The following SNX14 variants were observed in gnomAD, a reference collection of about 807,000 sequenced individuals.
SNX14 encodes the protein sorting nexin-14.
SNX14 carries 93 observed loss-of-function variants against 133.8 expected under a neutral mutation model. That is an observed-to-expected ratio of 0.70 (90% CI 0.59 to 0.83). The LOEUF (loss-of-function observed/expected upper bound fraction) is 0.83, where lower values mean the gene tolerates loss of function less well. Among genes scored for constraint, SNX14 ranks in the 40% least tolerant of loss-of-function variants. The pLI, the probability that SNX14 is intolerant of heterozygous loss-of-function variation, is 0.00. For missense variants in SNX14, 945 were observed against 1,094.9 expected, an observed-to-expected ratio of 0.86 and a Z score of 1.93; for synonymous variants, 368 against 365.6, an observed-to-expected ratio of 1.01 and a Z score of -0.07.
At chr6:85,563,943 C>T (rs553371305) in intron 6 of SNX14, among the ~76,000 whole-genome samples, 1 of 152,076 alleles carries the variant, frequency 6.6e-6, no homozygotes, top group South Asian at 2.1e-4. Flanking sequence ...CATGACAGGT[C>T]CTGGTGTGTG....
Position 85,526,256 on chromosome 6 carries a change from A to AG in SNX14, c.1996-20_1996-19insC. ...GAAGTTTCTTGAATGAACAAAAAAA[A>AG]CGGAAAACACAGTTTAGAAATCTAG... On this transcript the variant is annotated intron_variant, in intron 20 of 28. Coordinates refer to ENST00000314673, the MANE Select transcript of SNX14 (RefSeq NM_153816.6). 2.0e-6 allele frequency: 3 copies of AG among 1,499,738 alleles called. No individual in the cohort carries two copies. Among genetic ancestry groups the AG allele is most frequent in the Non-Finnish European group, 2.7e-6 (3 of 1,096,768 alleles). The allele number at this position is 1,499,738 out of a possible 1,614,324, so 92.9% of individuals were successfully genotyped here. A position where few individuals can be genotyped will look rare whatever the true frequency, so the allele number is the denominator to read the frequency against.
At chr6:85,589,596 T>C (rs1339872879) in intron 1 of SNX14, 1 of 152,266 alleles carries the variant, frequency 6.6e-6, no homozygotes, top group Non-Finnish European at 1.5e-5. Flanking sequence ...CAAGTTATAT[T>C]ATGTTAATTC....
chr6:85,567,344 G>A (rs1296434988), intron 5 of SNX14, among the ~76,000 whole-genome samples, 190 bp downstream of exon 5: 1 of 149,696 alleles, frequency 6.7e-6, no homozygotes, highest in African/African-American at 2.5e-5. Flanking sequence ...TATCTAATGG[G>A]AGAGGTCAGG....
intron 1 of SNX14, chr6:85,589,387 A>AATTTTTTGT (rs1279763204): frequency 6.5e-6 from 1 of 153,172 alleles, no homozygotes; most frequent in Non-Finnish European, 1.5e-5. Context: ...CATCCAGCTA[A>AATTTTTTGT]ATTTTTTGTA....
At position 85,570,668 on chromosome 6, in the gene SNX14, T is replaced by C. The variant is rs184581406; in HGVS notation, c.417+1469A>G. Among the ~76,000 whole-genome samples, 1,117 of 151,794 alleles carry C rather than the reference T, an allele frequency of 7.4e-3. 9 individuals carry two copies. Among genetic ancestry groups the C allele is most frequent in the Middle Eastern group, 0.014 (4 of 294 alleles). On this transcript the variant is annotated intron_variant, in intron 4 of 28. Coordinates refer to ENST00000314673, the MANE Select transcript of SNX14 (RefSeq NM_153816.6). ...AGGAGTTCGAGACCAGCCTGGCCAA[T>C]ATGGTGAAACCCTGTCTCTACTAAA...
chr6:85,505,666 G>T lies in SNX14; in HGVS notation c.*301C>A, dbSNP rs1007229683. Reference sequence around the variant, plus strand: ...AATTATTTTCAAAGCTATACAATACGAAGTTTATCAGTCTTATCTGTTTGC... The same window carrying T: ...AATTATTTTCAAAGCTATACAATACTAAGTTTATCAGTCTTATCTGTTTGC... On this transcript the variant is annotated 3_prime_UTR_variant, in exon 29 of 29. Transcript: ENST00000314673. 2 of 316,036 alleles carry T rather than the reference G, an allele frequency of 6.3e-6. No homozygotes were observed. Among genetic ancestry groups the T allele is most frequent in the South Asian group, 4.4e-5 (1 of 22,744 alleles). 19.6% of individuals were successfully genotyped at this position (316,036 alleles called of 1,614,324 possible).
chr6:85,508,366 T>C (rs1322746351), intron 26 of SNX14: 3 of 1,042,080 alleles, frequency 2.9e-6, no homozygotes, highest in South Asian at 3.9e-5. Flanking sequence ...ATAATACTTA[T>C]TGTATTACCC....
chr6:85,526,922 A>C (rs943539433), intron 20 of SNX14, among the ~76,000 whole-genome samples: 7 of 152,128 alleles, frequency 4.6e-5, no homozygotes, highest in African/African-American at 9.7e-5. Flanking sequence ...TACAAAAATT[A>C]GCCAGGAGTG....
At chr6:85,516,287 C>CT (rs1418733817) in intron 23 of SNX14, among the ~76,000 whole-genome samples, 3 of 152,058 alleles carry the variant, frequency 2.0e-5, no homozygotes, top group Non-Finnish European at 4.4e-5. Flanking sequence ...TAATAAACAC[C>CT]TTTACATGTT....
At chr6:85,567,510 A>G (rs1371547081) in intron 5 of SNX14, 24 bp downstream of exon 5, 9 of 1,496,554 alleles carry the variant, frequency 6.0e-6, no homozygotes, top group Non-Finnish European at 8.1e-6. Flanking sequence ...TCACAGAAAA[A>G]AAGATCTTAT....
At chr6:85,587,632 A>G (rs1801376224) in intron 1 of SNX14, among the ~76,000 whole-genome samples, 2 of 151,724 alleles carry the variant, frequency 1.3e-5, no homozygotes, top group African/African-American at 4.8e-5. Context: ...ACCATGACCA[A>G]CTACTTGTTT....
At chr6:85,524,785 G>GAAAAAAAAAAAAAAA (rs397885760) in intron 21 of SNX14, among the ~76,000 whole-genome samples, 1 of 88,260 alleles carries the variant, frequency 1.1e-5, no homozygotes, top group African/African-American at 3.8e-5. Context: ...TTCCATCACA[G>GAAAAAAAAAAAAAAA]AAAAAAAAAA....
chr6:85,562,582 CTTTTT>C (rs201175458), intron 6 of SNX14, among the ~76,000 whole-genome samples: 13 of 94,840 alleles, frequency 1.4e-4, no homozygotes, highest in African/African-American at 4.2e-4. Flanking sequence ...ACTTTTTGGG[CTTTTT>C]TTTTTTTTTT....
At chr6:85,522,470 T>C (rs961066198) in intron 21 of SNX14, among the ~76,000 whole-genome samples, 4 of 152,224 alleles carry the variant, frequency 2.6e-5, no homozygotes. Flanking sequence ...AACTTGGGGA[T>C]AAATTTACAT....
intron 1 of SNX14, among the ~76,000 whole-genome samples, chr6:85,590,152 G>A (rs1390046430): frequency 6.6e-6 from 1 of 152,180 alleles, no homozygotes; most frequent in African/African-American, 2.4e-5. Flanking sequence ...AATGATTCTT[G>A]TTGTCCAGGC....
intron 8 of SNX14, among the ~76,000 whole-genome samples, chr6:85,548,874 G>A (rs889022421): frequency 2.6e-5 from 4 of 151,628 alleles, no homozygotes; most frequent in African/African-American, 4.9e-5. Flanking sequence ...GGCTGATGCA[G>A]GAGAATCGCT....
At chr6:85,556,772 T>C (rs1789952282) in intron 7 of SNX14, among the ~76,000 whole-genome samples, 1 of 152,128 alleles carries the variant, frequency 6.6e-6, no homozygotes, top group South Asian at 2.1e-4. Flanking sequence ...TTTTAAACTA[T>C]GTTGAAAGTA....
intron 1 of SNX14, chr6:85,589,413 G>C (rs1456961610): frequency 1.3e-5 from 2 of 154,804 alleles, no homozygotes; most frequent in African/African-American, 4.8e-5. Flanking sequence ...TGTAGAGACA[G>C]GGTTTCACCG....
At chr6:85,579,245 C>T (rs959218080) in intron 1 of SNX14, among the ~76,000 whole-genome samples, 7 of 152,096 alleles carry the variant, frequency 4.6e-5, no homozygotes, top group Non-Finnish European at 8.8e-5. Flanking sequence ...AGCCAGGTGC[C>T]GGGCATGGGC....
Sources: gnomAD v4.1 joint callset for allele counts (sites outside exome capture counted in the v4.1 genomes callset) on GRCh38, gnomAD v4.1.1 for gene constraint, MANE v1.5 for transcripts, NCBI Gene and HGNC (gene_info 2026-07-23, HGNC 2026-07-21) for gene names.